The following CSMD1 variants were observed in gnomAD, a reference collection of about 807,000 sequenced individuals.
CSMD1 encodes the protein CUB and sushi domain-containing protein 1.
Under a neutral mutation model 417.5 loss-of-function variants are expected in CSMD1, and 213 were observed. The ratio of observed to expected loss-of-function variants is 0.51; its 90% CI spans 0.46 to 0.57. The LOEUF (loss-of-function observed/expected upper bound fraction) is 0.57, where lower values mean the gene tolerates loss of function less well. Among genes scored for constraint, CSMD1 ranks in the 20% least tolerant of loss-of-function variants. The pLI is 0.00. For synonymous variants in CSMD1, 2,862 were observed against 1,736.8 expected, an observed-to-expected ratio of 1.65 and a Z score of -16.11; for missense variants, 6,923 against 4,529.7, an observed-to-expected ratio of 1.53 and a Z score of -15.17.
chr8:3,418,622 G>A (rs979236483), intron 12 of CSMD1, among the ~76,000 whole-genome samples: 4 of 152,118 alleles, frequency 2.6e-5, no homozygotes, highest in African/African-American at 7.2e-5. Flanking sequence ...AGCTCAACAG[G>A]TCTGTCTGCC....
intron 2 of CSMD1, among the ~76,000 whole-genome samples, chr8:4,522,736 G>T (rs118008474): frequency 3.1e-4 from 47 of 152,034 alleles, no homozygotes; most frequent in African/African-American, 1.1e-3. Context: ...CTATCCACAC[G>T]TGCCTGGGAG....
At chr8:4,075,805 G>C (rs927719220) in intron 3 of CSMD1, among the ~76,000 whole-genome samples, 3 of 152,140 alleles carry the variant, frequency 2.0e-5, no homozygotes, top group Non-Finnish European at 2.9e-5. Flanking sequence ...TGACAGAGCA[G>C]TCCTTCATGG....
intron 3 of CSMD1, among the ~76,000 whole-genome samples, chr8:4,237,036 T>C (rs1365106592): frequency 1.3e-5 from 2 of 152,222 alleles, no homozygotes; most frequent in East Asian, 3.8e-4. Context: ...TGGATATATG[T>C]GTTGCCATGG....
chr8:3,575,430 C>G (rs551009464), intron 9 of CSMD1, among the ~76,000 whole-genome samples: 7 of 152,236 alleles, frequency 4.6e-5, no homozygotes, highest in Non-Finnish European at 7.4e-5. Flanking sequence ...CAGAGAGTCT[C>G]CATACACACC....
chr8:4,164,888 A>T (rs60637386), intron 3 of CSMD1, among the ~76,000 whole-genome samples: 5,354 of 149,476 alleles, frequency 0.036, 276 homozygotes, highest in African/African-American at 0.098. Context: ...AAGAAAAAAA[A>T]AAATATATAT....
intron 3 of CSMD1, among the ~76,000 whole-genome samples, chr8:4,271,127 G>C (rs1039487198): frequency 2.6e-5 from 4 of 152,092 alleles, no homozygotes; most frequent in Admixed American, 1.3e-4. Context: ...ATTCTGCCTG[G>C]AGCTTACTCT....
chr8:3,121,753 C>G (rs1817220907), intron 41 of CSMD1, among the ~76,000 whole-genome samples: 1 of 152,086 alleles, frequency 6.6e-6, no homozygotes, highest in African/African-American at 2.4e-5. Context: ...GAGCTATGAT[C>G]ATACCACTGC....
intron 5 of CSMD1, among the ~76,000 whole-genome samples, chr8:3,945,882 A>G (rs980391875): frequency 3.3e-5 from 5 of 152,154 alleles, no homozygotes; most frequent in African/African-American, 9.6e-5. Context: ...TGCTGTAGAC[A>G]TAAGAACGTA....
intron 3 of CSMD1, among the ~76,000 whole-genome samples, chr8:4,218,925 G>C (rs962903470): frequency 2.6e-5 from 4 of 152,090 alleles, no homozygotes; most frequent in African/African-American, 9.7e-5. Context: ...CTGAACCCTT[G>C]GGGTCATTCT....
intron 3 of CSMD1, among the ~76,000 whole-genome samples, chr8:4,338,498 T>C (rs1012994366): frequency 6.6e-6 from 1 of 152,156 alleles, no homozygotes. Flanking sequence ...CTCGGGATAT[T>C]GTACTTTGTA....
chr8:4,014,490 C>G (rs1014010755), intron 4 of CSMD1, among the ~76,000 whole-genome samples: 1 of 152,156 alleles, frequency 6.6e-6, no homozygotes, highest in Non-Finnish European at 1.5e-5. Context: ...GAGTTGGCTT[C>G]TTTTGATGTC....
At chr8:4,331,118 A>G (rs1425842741) in intron 3 of CSMD1, among the ~76,000 whole-genome samples, 1 of 152,146 alleles carries the variant, frequency 6.6e-6, no homozygotes, top group African/African-American at 2.4e-5. Flanking sequence ...ATGAAAATAT[A>G]TTTCCCGAAA....
chr8:4,163,574 C>T (rs777132026), intron 3 of CSMD1, among the ~76,000 whole-genome samples: 6 of 152,240 alleles, frequency 3.9e-5, no homozygotes, highest in Non-Finnish European at 8.8e-5. Context: ...TTAAATCTAG[C>T]TAGATAAAAC....
chr8:4,224,075 T>A (rs1027208284), intron 3 of CSMD1, among the ~76,000 whole-genome samples: 1 of 152,142 alleles, frequency 6.6e-6, no homozygotes, highest in African/African-American at 2.4e-5. Flanking sequence ...GGCTAAAGGC[T>A]GATGGAACTG....
At chr8:3,692,276 C>G (rs1800291405) in intron 7 of CSMD1, among the ~76,000 whole-genome samples, 1 of 152,112 alleles carries the variant, frequency 6.6e-6, no homozygotes, top group African/African-American at 2.4e-5. Context: ...TCACCAGCAC[C>G]ACCACAATTT....
At chr8:4,740,508 T>C (rs1224087670) in intron 1 of CSMD1, among the ~76,000 whole-genome samples, 2 of 152,144 alleles carry the variant, frequency 1.3e-5, no homozygotes, top group Non-Finnish European at 2.9e-5. Flanking sequence ...ATGACAGAAA[T>C]TTTCTTTCTG....
chr8:3,876,357 G>A (rs986706596), intron 5 of CSMD1, among the ~76,000 whole-genome samples: 2 of 152,182 alleles, frequency 1.3e-5, no homozygotes, highest in Admixed American at 1.3e-4. Context: ...TAGTTTTCAT[G>A]TATAGTGTTG....
intron 58 of CSMD1, among the ~76,000 whole-genome samples, chr8:2,966,336 A>G (rs1242775509): frequency 5.9e-5 from 9 of 152,158 alleles, no homozygotes; most frequent in Admixed American, 5.9e-4. Context: ...TCTCAATTTT[A>G]CAATGTTTGA....
At chr8:3,320,825 G>C (rs1563269567) in intron 23 of CSMD1, among the ~76,000 whole-genome samples, 1 of 152,310 alleles carries the variant, frequency 6.6e-6, no homozygotes, top group South Asian at 2.1e-4. Flanking sequence ...CAGAGCGAGG[G>C]CGCAGGGTCA....
Sources: gnomAD v4.1 joint callset for allele counts (sites outside exome capture counted in the v4.1 genomes callset) on GRCh38, gnomAD v4.1.1 for gene constraint, MANE v1.5 for transcripts, NCBI Gene and HGNC (gene_info 2026-07-23, HGNC 2026-07-21) for gene names.